Variants in MACROD1 observed in about 807,000 individuals in gnomAD.
The protein encoded by MACROD1 is mono-ADP ribosylhydrolase 1.
MACROD1 carries 31 observed loss-of-function variants against 41.4 expected under a neutral mutation model. The ratio of observed to expected loss-of-function variants is 0.75; its 90% CI spans 0.56 to 1.01. MACROD1 has a LOEUF of 1.01. Among genes scored for constraint, MACROD1 ranks in the 50% least tolerant of loss-of-function variants. The pLI, the probability that MACROD1 is intolerant of heterozygous loss-of-function variation, is 0.00. For missense variants in MACROD1, 473 were observed against 460.0 expected (o/e 1.03, Z -0.26); for synonymous variants, 252 against 203.4 (o/e 1.24, Z -2.03).
At chr11:64,035,068 GTCT>G (rs1943347776) in intron 3 of MACROD1, among the ~76,000 whole-genome samples, 1 of 152,246 alleles carries the variant, frequency 6.6e-6, no homozygotes, top group East Asian at 1.9e-4. Flanking sequence ...CCCATTCAAG[GTCT>G]TCTTCATCTC....
At chr11:64,000,412 C>T in intron 4 of MACROD1, 69 bp from the exon 5 acceptor site, 1 of 1,032,542 alleles carries the variant, frequency 9.7e-7, no homozygotes, top group Non-Finnish European at 1.3e-6. Flanking sequence ...CACCCTCAGT[C>T]CCGAGAAGCC....
At position 64,152,314 on chromosome 11, in the gene MACROD1, C is replaced by G; in HGVS notation, c.378G>C (p.Pro126=). ...TACCTTTCGCCATCTCCTTCCATGT[C>G]GGGATCTTCTTCAGCCTGACAAAGT... ...CKDFVRLKKI[P]TWKEMAKGVA... is the part of the protein sequence containing the mutation. The change falls in exon 2 of 11, where the codon CCG becomes CCC. Residue 126 remains proline, a synonymous_variant. Coordinates refer to ENST00000255681, the MANE Select transcript of MACROD1 (RefSeq NM_014067.4). 6.2e-7 allele frequency: 1 copy of G among 1,614,244 alleles called. No homozygotes were observed.
chr11:64,058,138 G>A (rs182990302), intron 3 of MACROD1, among the ~76,000 whole-genome samples: 2 of 152,358 alleles, frequency 1.3e-5, no homozygotes, highest in East Asian at 1.9e-4. Flanking sequence ...AGCCCCCAGC[G>A]ACTGTGTTTC....
chr11:64,153,579 C>T (rs1945618419), intron 1 of MACROD1, among the ~76,000 whole-genome samples: 1 of 152,168 alleles, frequency 6.6e-6, no homozygotes, highest in African/African-American at 2.4e-5. Flanking sequence ...ATCTCCTCAT[C>T]TAACCACTGC....
rs371398929 is a variant in MACROD1, at chr11:64,152,321, T to C, written c.371A>G (p.Lys124Arg). The change falls in exon 2 of 11, where the codon AAG (lysine) becomes AGG (arginine). Residue 124 changes from lysine to arginine, a missense_variant. Coordinates refer to ENST00000255681, the MANE Select transcript of MACROD1 (RefSeq NM_014067.4). ...YFCKDFVRLK[K>R]IPTWKEMAKG... is the part of the protein sequence containing the mutation. Reference sequence around the variant, plus strand: ...CGCCATCTCCTTCCATGTCGGGATCTTCTTCAGCCTGACAAAGTCCTTGCA... The same window carrying C: ...CGCCATCTCCTTCCATGTCGGGATCCTCTTCAGCCTGACAAAGTCCTTGCA... 37 of 1,614,140 alleles carry C rather than the reference T, an allele frequency of 2.3e-5. No homozygotes were observed. The highest frequency in any genetic ancestry group is 2.8e-5 in the Non-Finnish European group (33 of 1,180,062).
chr11:64,047,935 G>A (rs1464911661), intron 3 of MACROD1, among the ~76,000 whole-genome samples: 2 of 151,072 alleles, frequency 1.3e-5, no homozygotes, highest in Non-Finnish European at 3.0e-5. Flanking sequence ...CAGGAAAGCA[G>A]AGCCCCAGCC....
intron 3 of MACROD1, among the ~76,000 whole-genome samples, chr11:64,128,335 G>A (rs1945216289): frequency 2.0e-5 from 3 of 152,170 alleles, no homozygotes; most frequent in Non-Finnish European, 4.4e-5. Flanking sequence ...AACACAGTCA[G>A]CCAGCCAGCC....
chr11:64,094,171 G>A (rs1202156982), intron 3 of MACROD1, among the ~76,000 whole-genome samples: 2 of 152,210 alleles, frequency 1.3e-5, no homozygotes, highest in Non-Finnish European at 2.9e-5. Context: ...GGTGGCTCAC[G>A]CCTGTAATCC....
intron 3 of MACROD1, among the ~76,000 whole-genome samples, chr11:64,073,383 T>C (rs1302043590): frequency 1.3e-5 from 2 of 152,076 alleles, no homozygotes; most frequent in Non-Finnish European, 2.9e-5. Flanking sequence ...GACTTGGGGG[T>C]CCCAGAGACC....
chr11:64,022,867 A>ATTTTTTT (rs922794608), intron 3 of MACROD1, among the ~76,000 whole-genome samples: 6 of 90,766 alleles, frequency 6.6e-5, no homozygotes, highest in East Asian at 3.0e-4. Context: ...TTCCACATGG[A>ATTTTTTT]TTTTTTTTTT....
intron 3 of MACROD1, among the ~76,000 whole-genome samples, chr11:64,073,814 T>C (rs1237239582): frequency 6.6e-6 from 1 of 151,726 alleles, no homozygotes; most frequent in African/African-American, 2.4e-5. Context: ...CAGCCCTGTG[T>C]TGGGGAGGGG....
Position 64,120,975 on chromosome 11 carries a change from G to C in MACROD1, c.517+30264C>G, listed in dbSNP as rs574325514. Among the ~76,000 whole-genome samples, 1 of 152,142 alleles carries C rather than the reference G, an allele frequency of 6.6e-6. No individual in the cohort carries two copies. The highest frequency in any genetic ancestry group is 1.5e-5 in the Non-Finnish European group (1 of 68,012). On this transcript the variant is annotated intron_variant, in intron 3 of 10. Coordinates refer to ENST00000255681, the MANE Select transcript of MACROD1 (RefSeq NM_014067.4). The surrounding 1 kb of genome is among the most constrained non-coding windows in gnomAD (Gnocchi z 4.5). ...TGTCTCCTCTCCCCACCCTAGACAG[G>C]TCAGGTCATGCCCTTAGTGGCTAGG... is the stretch of plus-strand genomic sequence containing the variant.
At chr11:64,021,949 G>GGGGGGGGGGGGGGGGGA (rs1565197660) in intron 3 of MACROD1, among the ~76,000 whole-genome samples, 1 of 25,752 alleles carries the variant, frequency 3.9e-5, no homozygotes, top group African/African-American at 1.5e-4. Flanking sequence ...GGGGGGGGGG[G>GGGGGGGGGGGGGGGGGA]GGTGTGAGGT....
At chr11:64,027,217 AC>A (rs928587148) in intron 3 of MACROD1, among the ~76,000 whole-genome samples, 6 of 152,166 alleles carry the variant, frequency 3.9e-5, no homozygotes, top group African/African-American at 7.2e-5. Flanking sequence ...CAGAGAGGTG[AC>A]CAGGCCCACG....
At chr11:64,028,108 G>C (rs1943244738) in intron 3 of MACROD1, among the ~76,000 whole-genome samples, 1 of 152,216 alleles carries the variant, frequency 6.6e-6, no homozygotes, top group Admixed American at 6.5e-5. Flanking sequence ...GGGCTGGGCA[G>C]GCGGAAGAAG....
intron 3 of MACROD1, among the ~76,000 whole-genome samples, chr11:64,023,385 G>A (rs889057417): frequency 4.6e-5 from 7 of 152,082 alleles, no homozygotes; most frequent in Admixed American, 1.3e-4. Flanking sequence ...CTGTAGGGGG[G>A]GTGATCATTT....
At chr11:64,124,642 G>A (rs1019121335) in intron 3 of MACROD1, among the ~76,000 whole-genome samples, 1 of 151,882 alleles carries the variant, frequency 6.6e-6, no homozygotes, top group African/African-American at 2.4e-5. Context: ...ATTTGCGGGT[G>A]TGCCTGGAGA....
At chr11:64,135,178 G>C (rs1222598533) in intron 3 of MACROD1, among the ~76,000 whole-genome samples, 2 of 152,216 alleles carry the variant, frequency 1.3e-5, no homozygotes, top group Non-Finnish European at 2.9e-5. Context: ...GGAGCCAGCT[G>C]GCATACCCGG....
chr11:64,023,152 G>C (rs758618213), intron 3 of MACROD1, among the ~76,000 whole-genome samples: 1 of 152,076 alleles, frequency 6.6e-6, no homozygotes, highest in Non-Finnish European at 1.5e-5. Context: ...GAGCCACCAC[G>C]CCTGGCCTCC....
Sources: gnomAD v4.1 joint callset for allele counts (sites outside exome capture counted in the v4.1 genomes callset) on GRCh38, gnomAD v4.1.1 for gene constraint, Gnocchi (gnomAD v3.1) non-coding constraint, MANE v1.5 for transcripts, NCBI Gene and HGNC (gene_info 2026-07-23, HGNC 2026-07-21) for gene names.